NUBPL: variants seen among roughly 807,000 people sequenced by gnomAD.
NUBPL encodes NUBP iron-sulfur cluster assembly factor, mitochondrial.
NUBPL carries 31 observed loss-of-function variants against 45.7 expected under a neutral mutation model. The observed-to-expected ratio is 0.68, with a 90% confidence interval of 0.51 to 0.92. The LOEUF (loss-of-function observed/expected upper bound fraction) is 0.92. Among genes scored for constraint, NUBPL ranks in the 40% least tolerant of loss-of-function variants. The probability of loss-of-function intolerance (pLI) is 0.00; values close to 1 mark genes in which losing one functional copy is unlikely to be tolerated. For missense variants in NUBPL, 401 were observed against 398.7 expected (o/e 1.01, Z -0.05); for synonymous variants, 144 against 140.9 (o/e 1.02, Z -0.15).
In NUBPL at chr14:31,645,482, A is replaced by G. The variant is rs150639672; in HGVS notation, c.383-27873A>G. On this transcript the variant is annotated intron_variant, in intron 4 of 10. Transcript: ENST00000281081. ...TTTACATTCAGTGTTTTCATTGATAAGTAAAGACTTTACTACTGCCATTTT... is the reference window on the plus strand; with the variant it reads ...TTTACATTCAGTGTTTTCATTGATAGGTAAAGACTTTACTACTGCCATTTT... Among the ~76,000 whole-genome samples the G allele has an allele frequency of 2.1e-3, 319 of 152,298 alleles. 1 individual carries two copies. Among genetic ancestry groups the G allele is most frequent in the African/African-American group, 7.3e-3 (304 of 41,570 alleles).
chr14:31,828,792 T>G (rs1485523292), intron 8 of NUBPL, among the ~76,000 whole-genome samples: 1 of 152,186 alleles, frequency 6.6e-6, no homozygotes, highest in East Asian at 1.9e-4. Flanking sequence ...CGTGGATACT[T>G]AATCTCATAC....
At chr14:31,856,116 G>A (rs1009945008) in intron 10 of NUBPL, among the ~76,000 whole-genome samples, 4 of 152,102 alleles carry the variant, frequency 2.6e-5, no homozygotes, top group East Asian at 1.9e-4. Flanking sequence ...GAGGTTTATT[G>A]GACTTACAGT....
At chr14:31,754,660 G>GGCAAGCAT (rs1218030816) in intron 6 of NUBPL, among the ~76,000 whole-genome samples, 1 of 139,308 alleles carries the variant, frequency 7.2e-6, no homozygotes, top group Non-Finnish European at 1.5e-5. Flanking sequence ...TCTTGTTGCA[G>GGCAAGCAT]GCAAGCATAT....
intron 3 of NUBPL, among the ~76,000 whole-genome samples, chr14:31,568,023 T>G (rs2033483837): frequency 6.6e-6 from 1 of 152,342 alleles, no homozygotes; most frequent in African/African-American, 2.4e-5. Flanking sequence ...TTTGTTTCCT[T>G]GTCATTTCAA....
chr14:31,649,920 C>A (rs1029350554), intron 4 of NUBPL, among the ~76,000 whole-genome samples: 1 of 152,050 alleles, frequency 6.6e-6, no homozygotes, highest in Non-Finnish European at 1.5e-5. Context: ...ATTGCAATGG[C>A]GCAATCTCCG....
intron 6 of NUBPL, among the ~76,000 whole-genome samples, chr14:31,737,678 G>T (rs933733720): frequency 3.3e-5 from 5 of 152,098 alleles, no homozygotes; most frequent in African/African-American, 4.8e-5. Flanking sequence ...CGTCTACTCC[G>T]GAGGCTGAGG....
intron 4 of NUBPL, among the ~76,000 whole-genome samples, chr14:31,643,322 C>T (rs971746485): frequency 5.9e-5 from 9 of 151,970 alleles, no homozygotes; most frequent in Non-Finnish European, 1.3e-4. Context: ...GAAGTGTGTT[C>T]CTTCCATACC....
At chr14:31,829,128 A>T (rs2040150620) in intron 8 of NUBPL, among the ~76,000 whole-genome samples, 1 of 152,172 alleles carries the variant, frequency 6.6e-6, no homozygotes, top group South Asian at 2.1e-4. Context: ...AAGGTCCAGG[A>T]TGCTGTCATG....
intron 6 of NUBPL, among the ~76,000 whole-genome samples, chr14:31,684,953 A>C (rs1351251825): frequency 6.6e-6 from 1 of 152,220 alleles, no homozygotes; most frequent in Non-Finnish European, 1.5e-5. Flanking sequence ...TGGGAGGAAA[A>C]GGAGTTAGTA....
At chr14:31,716,359 A>G (rs2037688433) in intron 6 of NUBPL, among the ~76,000 whole-genome samples, 1 of 152,192 alleles carries the variant, frequency 6.6e-6, no homozygotes, top group Admixed American at 6.5e-5. Context: ...TATGTACTGT[A>G]CCTAATTGTA....
chr14:31,851,497 A>G (rs941284727), intron 10 of NUBPL, among the ~76,000 whole-genome samples: 1 of 152,158 alleles, frequency 6.6e-6, no homozygotes, highest in African/African-American at 2.4e-5. Flanking sequence ...GTCAGCAGCT[A>G]TGGTATAGGT....
intron 7 of NUBPL, among the ~76,000 whole-genome samples, chr14:31,793,352 G>C (rs2039417608): frequency 6.6e-6 from 1 of 152,012 alleles, no homozygotes; most frequent in Admixed American, 6.6e-5. Flanking sequence ...ATCTTTAAAA[G>C]CTATTTAGCT....
At chr14:31,773,033 T>G (rs1303494901) in intron 6 of NUBPL, among the ~76,000 whole-genome samples, 1 of 152,190 alleles carries the variant, frequency 6.6e-6, no homozygotes, top group African/African-American at 2.4e-5. Flanking sequence ...ACCTGAACAA[T>G]CTCAAGGATG....
At chr14:31,596,087 T>C (rs1180435995) in intron 3 of NUBPL, among the ~76,000 whole-genome samples, 2 of 152,028 alleles carry the variant, frequency 1.3e-5, no homozygotes, top group Admixed American at 1.3e-4. Context: ...TTTGTATTTT[T>C]AGTAGAGACG....
At chr14:31,605,877 T>TCCTTCCTTCTC (rs2034577732) in intron 4 of NUBPL, among the ~76,000 whole-genome samples, 1 of 145,294 alleles carries the variant, frequency 6.9e-6, no homozygotes, top group African/African-American at 2.6e-5. Flanking sequence ...TCCTCCCTTC[T>TCCTTCCTTCTC]TCCTCCTCCT....
chr14:31,610,467 C>T (rs1482117034), intron 4 of NUBPL, among the ~76,000 whole-genome samples: 1 of 151,974 alleles, frequency 6.6e-6, no homozygotes, highest in Non-Finnish European at 1.5e-5. Context: ...AATAGCTTCA[C>T]TGCTGAATTC....
intron 3 of NUBPL, among the ~76,000 whole-genome samples, chr14:31,569,470 T>G (rs1214915198): frequency 6.6e-6 from 1 of 152,212 alleles, no homozygotes; most frequent in Non-Finnish European, 1.5e-5. Context: ...GTGCTGGAGT[T>G]ACAGGTGTGA....
chr14:31,807,837 A>G (rs543142475), intron 7 of NUBPL, among the ~76,000 whole-genome samples: 15 of 152,344 alleles, frequency 9.8e-5, no homozygotes, highest in Non-Finnish European at 2.1e-4. Flanking sequence ...AGCTTTGTAC[A>G]TATGGCTAGC....
chr14:31,671,775 C>G (rs1057363230), intron 4 of NUBPL, among the ~76,000 whole-genome samples: 3 of 152,108 alleles, frequency 2.0e-5, no homozygotes, highest in African/African-American at 7.2e-5. Context: ...AGGACCACGG[C>G]TTTTTCTTTG....
Sources: allele counts gnomAD v4.1 joint callset (sites outside exome capture counted in the v4.1 genomes callset), GRCh38; gene constraint gnomAD v4.1.1; transcripts MANE v1.5; gene names NCBI Gene and HGNC (gene_info 2026-07-23, HGNC 2026-07-21).